NCAM2: variants seen among roughly 807,000 people sequenced by gnomAD.
The protein encoded by NCAM2 is N-CAM-2.
Under a neutral mutation model 98.1 loss-of-function variants are expected in NCAM2, and 30 were observed. The observed-to-expected ratio is 0.31, with a 90% confidence interval of 0.23 to 0.41. NCAM2 has a LOEUF of 0.41. Ranked by LOEUF, NCAM2 falls within the 10% of genes least tolerant of loss-of-function variation. The pLI is 1.00. For synonymous variants in NCAM2, 368 were observed against 342.4 expected, an observed-to-expected ratio of 1.07 and a Z score of -0.83; for missense variants, 867 against 1,005.8, an observed-to-expected ratio of 0.86 and a Z score of 1.87.
chr21:21,445,327 G>T (rs534955763), intron 12 of NCAM2, among the ~76,000 whole-genome samples: 1 of 152,256 alleles, frequency 6.6e-6, no homozygotes, highest in African/African-American at 2.4e-5. Flanking sequence ...GGGGTGAAGA[G>T]TTCTGTAGAT....
chr21:21,422,609 TG>T (rs966040058), intron 11 of NCAM2, among the ~76,000 whole-genome samples: 1 of 152,066 alleles, frequency 6.6e-6, no homozygotes. Context: ...TTTAGAACAT[TG>T]GGGGGAAAAA....
intron 9 of NCAM2, among the ~76,000 whole-genome samples, chr21:21,401,735 G>A (rs991470252): frequency 1.3e-5 from 2 of 152,062 alleles, no homozygotes; most frequent in Non-Finnish European, 2.9e-5. Context: ...TGACTATTGT[G>A]AATAATGCTG....
intron 16 of NCAM2, among the ~76,000 whole-genome samples, chr21:21,518,635 A>G (rs1395881150): frequency 1.3e-5 from 2 of 151,276 alleles, no homozygotes; most frequent in Non-Finnish European, 2.9e-5. Context: ...ACATCATTAC[A>G]TATACTATAT....
chr21:21,069,404 T>G (rs1372240390), intron 1 of NCAM2, among the ~76,000 whole-genome samples: 2 of 152,226 alleles, frequency 1.3e-5, no homozygotes, highest in African/African-American at 4.8e-5. Context: ...ATCTCCTTCC[T>G]TAACTTGACT....
intron 11 of NCAM2, among the ~76,000 whole-genome samples, chr21:21,424,634 T>A (rs1267492058): frequency 6.6e-6 from 1 of 152,042 alleles, no homozygotes; most frequent in Non-Finnish European, 1.5e-5. Context: ...TGTTAATGAG[T>A]AAGGCATTTA....
intron 1 of NCAM2, among the ~76,000 whole-genome samples, chr21:21,241,411 G>T (rs902053402): frequency 6.6e-6 from 1 of 151,966 alleles, no homozygotes; most frequent in Non-Finnish European, 1.5e-5. Context: ...GTTCTCCTTT[G>T]AATTATATAG....
chr21:21,378,113 T>C (rs1297071753), intron 9 of NCAM2, among the ~76,000 whole-genome samples: 1 of 152,018 alleles, frequency 6.6e-6, no homozygotes, highest in African/African-American at 2.4e-5. Context: ...ATTCCATATC[T>C]AGGCTGTTGT....
rs549490342 is a variant in NCAM2, at chr21:21,434,432, G to A, written c.1654+2151G>A. On this transcript the variant is annotated intron_variant, in intron 12 of 17. Transcript: ENST00000400546. ...TTTCTCACTTTGATTTGAGGAAAATGACAGCATTAGTACTTTTTTCTGTTT... is the reference window on the plus strand; with the variant it reads ...TTTCTCACTTTGATTTGAGGAAAATAACAGCATTAGTACTTTTTTCTGTTT... Among the ~76,000 whole-genome samples the A allele has an allele frequency of 4.6e-5, 7 of 152,282 alleles. No homozygotes were observed. In the South Asian group the frequency reaches 1.4e-3, roughly 32 times the overall value.
At chr21:21,134,893 A>AT (rs1278279174) in intron 1 of NCAM2, among the ~76,000 whole-genome samples, 1 of 151,386 alleles carries the variant, frequency 6.6e-6, no homozygotes, top group Non-Finnish European at 1.5e-5. Flanking sequence ...TTTTATTTTT[A>AT]TTTTTTTGTA....
At chr21:21,403,357 G>T (rs761526263) in intron 9 of NCAM2, among the ~76,000 whole-genome samples, 2 of 152,186 alleles carry the variant, frequency 1.3e-5, no homozygotes, top group East Asian at 3.9e-4. Flanking sequence ...GTTTCCTGTT[G>T]AGATGAATAC....
chr21:21,525,874 A>G (rs547877108), intron 16 of NCAM2, among the ~76,000 whole-genome samples: 7 of 152,212 alleles, frequency 4.6e-5, no homozygotes, highest in African/African-American at 1.4e-4. Context: ...TGTAAATCCA[A>G]CACTTCAAGA....
At chr21:21,137,760 A>G (rs1002207002) in intron 1 of NCAM2, among the ~76,000 whole-genome samples, 2 of 152,244 alleles carry the variant, frequency 1.3e-5, no homozygotes, top group Non-Finnish European at 2.9e-5. Context: ...CTCCATTAAA[A>G]AAAATGTTGA....
chr21:21,352,853 T>G (rs1223881977), intron 8 of NCAM2, among the ~76,000 whole-genome samples: 1 of 151,124 alleles, frequency 6.6e-6, no homozygotes, highest in African/African-American at 2.4e-5. Flanking sequence ...GAAAGTGTTT[T>G]TGTTTTTGTT....
At chr21:21,101,568 A>C (rs1228456665) in intron 1 of NCAM2, among the ~76,000 whole-genome samples, 1 of 152,014 alleles carries the variant, frequency 6.6e-6, no homozygotes, top group African/African-American at 2.4e-5. Context: ...TTTTATTTCA[A>C]ATCTGTCATT....
At chr21:21,502,011 CT>C (rs1292299185) in intron 15 of NCAM2, among the ~76,000 whole-genome samples, 5 of 151,886 alleles carry the variant, frequency 3.3e-5, no homozygotes, top group African/African-American at 1.2e-4. Context: ...TCTCTATCCC[CT>C]GGAGGAAACA....
chr21:21,282,783 G>C (rs934450503), intron 2 of NCAM2, among the ~76,000 whole-genome samples: 1 of 151,442 alleles, frequency 6.6e-6, no homozygotes, highest in Non-Finnish European at 1.5e-5. Flanking sequence ...CGTACAAATA[G>C]TCCAGCCTTA....
intron 5 of NCAM2, among the ~76,000 whole-genome samples, chr21:21,317,670 G>A (rs954938694): frequency 6.6e-6 from 1 of 151,826 alleles, no homozygotes; most frequent in African/African-American, 2.4e-5. Flanking sequence ...ATAGCTGGGA[G>A]TACAGGCACA....
chr21:21,305,425 G>A, intron 5 of NCAM2, among the ~76,000 whole-genome samples: 1 of 152,006 alleles, frequency 6.6e-6, no homozygotes. Context: ...TTATTATACT[G>A]GGTAGACAGA....
chr21:21,452,068 T>G (rs1294957589), intron 12 of NCAM2, among the ~76,000 whole-genome samples: 1 of 151,886 alleles, frequency 6.6e-6, no homozygotes, highest in Non-Finnish European at 1.5e-5. Context: ...AACACTTCCT[T>G]TCTTTCGTTT....
Sources: allele counts gnomAD v4.1 joint callset (sites outside exome capture counted in the v4.1 genomes callset), GRCh38; gene constraint gnomAD v4.1.1; transcripts MANE v1.5; gene names NCBI Gene and HGNC (gene_info 2026-07-23, HGNC 2026-07-21).